The following GRIK2 variants were observed in gnomAD, a reference collection of about 807,000 sequenced individuals.
GRIK2 encodes the protein glutamate ionotropic receptor kainate type subunit 2.
In GRIK2, 32 loss-of-function variants were observed where a neutral mutation model predicts 100.3. The ratio of observed to expected loss-of-function variants is 0.32; its 90% CI spans 0.24 to 0.43. GRIK2 has a LOEUF of 0.43. Ranked by LOEUF, GRIK2 falls within the 20% of genes least tolerant of loss-of-function variation. The pLI, the probability that GRIK2 is intolerant of heterozygous loss-of-function variation, is 1.00. For missense variants in GRIK2, 843 were observed against 1,114.9 expected (o/e 0.76, Z 3.47); for synonymous variants, 417 against 389.4 (o/e 1.07, Z -0.83).
chr6:101,789,974 A>T (rs894749348), intron 7 of GRIK2, among the ~76,000 whole-genome samples: 4 of 152,168 alleles, frequency 2.6e-5, no homozygotes, highest in African/African-American at 7.2e-5. Context: ...AGCAATTGTG[A>T]ATGGGAGTTC....
intron 12 of GRIK2, among the ~76,000 whole-genome samples, chr6:101,908,060 C>T (rs12200730): frequency 0.093 from 14,146 of 151,548 alleles, 828 homozygotes; most frequent in Middle Eastern, 0.2. Context: ...CTGATAGGAG[C>T]TTTTCAGCAT....
rs922191997 is a variant in GRIK2 at position 101,948,741 on chromosome 6, T to C, written c.2085+20109T>C. Among the ~76,000 whole-genome samples, 245 of 151,946 alleles carry C rather than the reference T, an allele frequency of 1.6e-3. 4 individuals carry two copies. The highest frequency in any genetic ancestry group is 1.0e-3 in the Non-Finnish European group (71 of 67,960). ...CCTGCTGCCTCAGCCTCCCAAAGCG[T>C]TGGGATTACAGGGATGAGCCACTGT... On this transcript the variant is annotated intron_variant, in intron 14 of 16. Transcript: ENST00000369134.
chr6:101,468,571 A>C (rs1771781783), intron 2 of GRIK2, among the ~76,000 whole-genome samples: 1 of 152,178 alleles, frequency 6.6e-6, no homozygotes, highest in Non-Finnish European at 1.5e-5. Context: ...GACTTGTAAA[A>C]TGTGGATGGT....
At chr6:101,960,058 T>G (rs1226396498) in intron 14 of GRIK2, among the ~76,000 whole-genome samples, 9 of 150,008 alleles carry the variant, frequency 6.0e-5, no homozygotes, top group Non-Finnish European at 1.2e-4. Context: ...GTTTTGTTTT[T>G]TTTTTTTTGT....
At chr6:101,639,594 A>ACATG (rs1206733897) in intron 4 of GRIK2, among the ~76,000 whole-genome samples, 47 of 145,320 alleles carry the variant, frequency 3.2e-4, no homozygotes, top group African/African-American at 1.2e-3. Flanking sequence ...CCATCTCAAT[A>ACATG]CATGCATACA....
intron 2 of GRIK2, among the ~76,000 whole-genome samples, chr6:101,572,142 G>T (rs1777569410): frequency 1.3e-5 from 2 of 151,752 alleles, no homozygotes; most frequent in Admixed American, 1.3e-4. Flanking sequence ...AAAAAAAGTT[G>T]CTTTTTTATT....
chr6:101,540,468 T>C (rs1196963904), intron 2 of GRIK2, among the ~76,000 whole-genome samples: 1 of 151,972 alleles, frequency 6.6e-6, no homozygotes, highest in Non-Finnish European at 1.5e-5. Context: ...GATGTGATTA[T>C]TTCACCTCAC....
intron 9 of GRIK2, among the ~76,000 whole-genome samples, chr6:101,810,418 A>G (rs1448694208): frequency 6.6e-6 from 1 of 152,094 alleles, no homozygotes; most frequent in Non-Finnish European, 1.5e-5. Flanking sequence ...TTGTACTCAT[A>G]TTAGCACTAT....
chr6:102,061,133 G>A (rs1410583679), intron 16 of GRIK2, among the ~76,000 whole-genome samples: 1 of 150,238 alleles, frequency 6.7e-6, no homozygotes, highest in East Asian at 1.9e-4. Context: ...TTTGCTTACT[G>A]ATCTACTTCC....
At chr6:101,720,766 CAA>C (rs1774425351) in intron 7 of GRIK2, among the ~76,000 whole-genome samples, 1 of 151,932 alleles carries the variant, frequency 6.6e-6, no homozygotes, top group Non-Finnish European at 1.5e-5. Context: ...CACTTATTTG[CAA>C]ACTACTAAAA....
intron 11 of GRIK2, among the ~76,000 whole-genome samples, chr6:101,878,310 G>A (rs1467670167): frequency 2.1e-5 from 3 of 145,376 alleles, no homozygotes; most frequent in East Asian, 2.1e-4. Flanking sequence ...CATTCTCAAT[G>A]GAATCTAGGG....
At chr6:101,478,479 C>A (rs1199197849) in intron 2 of GRIK2, among the ~76,000 whole-genome samples, 2 of 142,410 alleles carry the variant, frequency 1.4e-5, no homozygotes, top group Admixed American at 1.4e-4. Flanking sequence ...TACAAAGGAA[C>A]AAACTTGTTC....
At chr6:101,401,989 A>G (rs995518122) in intron 2 of GRIK2, among the ~76,000 whole-genome samples, 37 of 152,180 alleles carry the variant, frequency 2.4e-4, no homozygotes, top group African/African-American at 7.2e-4. Context: ...GCAACGGCGG[A>G]GCCCGCCCAG....
intron 2 of GRIK2, among the ~76,000 whole-genome samples, chr6:101,591,829 C>T (rs999604338): frequency 6.6e-6 from 1 of 151,970 alleles, no homozygotes; most frequent in African/African-American, 2.4e-5. Context: ...ATTTATTTTA[C>T]ATTTTTAGTC....
intron 2 of GRIK2, among the ~76,000 whole-genome samples, chr6:101,508,498 A>AT (rs927185815): frequency 8.5e-5 from 13 of 152,150 alleles, no homozygotes; most frequent in South Asian, 4.2e-4. Context: ...GAAAATATTG[A>AT]TTTTTTTGTT....
intron 2 of GRIK2, among the ~76,000 whole-genome samples, chr6:101,608,039 T>A (rs1380262907): frequency 1.3e-5 from 2 of 151,266 alleles, no homozygotes; most frequent in South Asian, 2.1e-4. Context: ...TAAAATTATT[T>A]AAAAATTTAA....
intron 2 of GRIK2, among the ~76,000 whole-genome samples, chr6:101,447,442 A>G (rs1463775241): frequency 1.3e-5 from 2 of 151,748 alleles, no homozygotes; most frequent in African/African-American, 4.8e-5. Context: ...TATATTTAGA[A>G]CAACAGTTCT....
chr6:101,422,372 C>A (rs1210243143), intron 2 of GRIK2, among the ~76,000 whole-genome samples: 2 of 152,096 alleles, frequency 1.3e-5, no homozygotes, highest in Non-Finnish European at 2.9e-5. Flanking sequence ...CTCCTGGAGT[C>A]CTTCAGAAAT....
intron 2 of GRIK2, among the ~76,000 whole-genome samples, chr6:101,437,795 T>C (rs1769820651): frequency 6.6e-6 from 1 of 152,118 alleles, no homozygotes; most frequent in Non-Finnish European, 1.5e-5. Flanking sequence ...TTGTAACAAG[T>C]AGAATAAATG....
Sources: allele counts gnomAD v4.1 joint callset (sites outside exome capture counted in the v4.1 genomes callset), GRCh38; gene constraint gnomAD v4.1.1; transcripts MANE v1.5; gene names NCBI Gene and HGNC (gene_info 2026-07-23, HGNC 2026-07-21).